The following CLYBL variants were observed in gnomAD, a reference collection of about 807,000 sequenced individuals.
CLYBL encodes citramalyl-CoA lyase.
CLYBL carries 31 observed loss-of-function variants against 38.9 expected under a neutral mutation model. The ratio of observed to expected loss-of-function variants is 0.80; its 90% CI spans 0.60 to 1.08. The LOEUF (loss-of-function observed/expected upper bound fraction) is 1.08. CLYBL is among the 50% of genes least tolerant of loss of function. CLYBL has a pLI of 0.00. For missense variants in CLYBL, 434 were observed against 411.6 expected (o/e 1.05, Z -0.47); for synonymous variants, 171 against 158.6 (o/e 1.08, Z -0.59).
At chr13:99,749,629 T>A (rs1399215738) in intron 1 of CLYBL, among the ~76,000 whole-genome samples, 2 of 152,242 alleles carry the variant, frequency 1.3e-5, no homozygotes, top group South Asian at 2.1e-4. Flanking sequence ...CACAAAACAG[T>A]GCACTTCATT....
chr13:99,853,153 A>G (rs2051372796), intron 2 of CLYBL, among the ~76,000 whole-genome samples: 1 of 152,034 alleles, frequency 6.6e-6, no homozygotes, highest in South Asian at 2.1e-4. Context: ...AATTGGTTGG[A>G]GACCTTCAAA....
intron 2 of CLYBL, among the ~76,000 whole-genome samples, chr13:99,802,584 G>A (rs1314614288): frequency 1.3e-5 from 2 of 152,184 alleles, no homozygotes; most frequent in East Asian, 3.9e-4. Context: ...CAGTACACAA[G>A]TTCTCACTTG....
chr13:99,627,567 A>G (rs1449574443), intron 1 of CLYBL, among the ~76,000 whole-genome samples: 1 of 152,198 alleles, frequency 6.6e-6, no homozygotes, highest in East Asian at 1.9e-4. Flanking sequence ...TAAGCCACTT[A>G]TGTGGCATTT....
At chr13:99,807,441 C>T (rs1035628564) in intron 2 of CLYBL, among the ~76,000 whole-genome samples, 1 of 152,178 alleles carries the variant, frequency 6.6e-6, no homozygotes, top group African/African-American at 2.4e-5. Context: ...AACCTAGGTG[C>T]CCGCTCACAG....
chr13:99,853,829 T>A (rs2051390773), intron 2 of CLYBL, among the ~76,000 whole-genome samples: 1 of 152,218 alleles, frequency 6.6e-6, no homozygotes, highest in South Asian at 2.1e-4. Context: ...ATAGAATAAA[T>A]TCGTTCCGTT....
intron 1 of CLYBL, among the ~76,000 whole-genome samples, chr13:99,731,009 G>A (rs551476906): frequency 4.0e-5 from 6 of 151,040 alleles, no homozygotes; most frequent in East Asian, 2.0e-4. Flanking sequence ...CTTGAGCCCC[G>A]GGGGCTGAGG....
chr13:99,778,270 T>A (rs113981066), intron 2 of CLYBL, among the ~76,000 whole-genome samples: 2,297 of 152,296 alleles, frequency 0.015, 33 homozygotes, highest in Non-Finnish European at 0.021. Flanking sequence ...ATTATTCTCT[T>A]GATGGAGGAC....
At chr13:99,628,750 T>C (rs1370100216) in intron 1 of CLYBL, among the ~76,000 whole-genome samples, 1 of 152,312 alleles carries the variant, frequency 6.6e-6, no homozygotes, top group African/African-American at 2.4e-5. Context: ...GAATCACAAA[T>C]GGGCCTTTAA....
intron 1 of CLYBL, among the ~76,000 whole-genome samples, chr13:99,712,043 T>G (rs2048242221): frequency 1.3e-5 from 2 of 152,176 alleles, no homozygotes; most frequent in African/African-American, 4.8e-5. Context: ...TTATGAGAGC[T>G]CAGTCCTCGT....
chr13:99,739,635 TA>T (rs1227370096), intron 1 of CLYBL, among the ~76,000 whole-genome samples: 35 of 152,250 alleles, frequency 2.3e-4, no homozygotes, highest in African/African-American at 8.2e-4. Context: ...TTCTACATGA[TA>T]ATTCAGAGCA....
chr13:99,674,151 T>TA (rs1327817634), intron 1 of CLYBL, among the ~76,000 whole-genome samples: 1 of 127,720 alleles, frequency 7.8e-6, no homozygotes, highest in East Asian at 2.2e-4. Context: ...TCTTTTTTTT[T>TA]TTTTTTTTTT....
chr13:99,845,834 G>A (rs2051191313), intron 2 of CLYBL, among the ~76,000 whole-genome samples: 1 of 152,126 alleles, frequency 6.6e-6, no homozygotes, highest in Admixed American at 6.6e-5. Flanking sequence ...TGTCCTGCTG[G>A]CCGTCCTTCT....
At chr13:99,610,591 G>A (rs2046611203) in intron 1 of CLYBL, among the ~76,000 whole-genome samples, 1 of 152,130 alleles carries the variant, frequency 6.6e-6, no homozygotes, top group African/African-American at 2.4e-5. Context: ...GAACCAGTAA[G>A]TCTCCTAGTC....
intron 2 of CLYBL, among the ~76,000 whole-genome samples, chr13:99,805,021 C>G (rs1184954257): frequency 1.3e-5 from 2 of 152,154 alleles, no homozygotes; most frequent in Non-Finnish European, 2.9e-5. Context: ...AGTATTTGTC[C>G]TTTTGTGACT....
chr13:99,882,902 C>T (rs900891170), intron 7 of CLYBL, among the ~76,000 whole-genome samples: 10 of 152,138 alleles, frequency 6.6e-5, no homozygotes, highest in East Asian at 2.0e-4. Context: ...CTTCCCCTGG[C>T]GCCCAGAAAG....
intron 3 of CLYBL, 92 bp downstream of exon 3, chr13:99,859,141 C>A: frequency 1.1e-6 from 1 of 937,128 alleles, no homozygotes; most frequent in Non-Finnish European, 1.6e-6. Context: ...TTGGAAAATG[C>A]ATGCAGAGAG....
At chr13:99,819,456 ATATATATAT>A (rs1566340244) in intron 2 of CLYBL, among the ~76,000 whole-genome samples, 127 of 45,866 alleles carry the variant, frequency 2.8e-3, no homozygotes, top group African/African-American at 5.5e-3. Context: ...ATATATATAT[ATATATATAT>A]ATAATATTTG....
intron 1 of CLYBL, among the ~76,000 whole-genome samples, chr13:99,627,313 CA>C (rs531026400): frequency 1.6e-4 from 24 of 151,976 alleles, no homozygotes; most frequent in Non-Finnish European, 3.2e-4. Flanking sequence ...ATTGTTTTAA[CA>C]GAAAGTAAAA....
At chr13:99,763,056 T>C (rs2049194996) in intron 1 of CLYBL, among the ~76,000 whole-genome samples, 1 of 152,264 alleles carries the variant, frequency 6.6e-6, no homozygotes, top group Non-Finnish European at 1.5e-5. Context: ...TCATCAGTTC[T>C]AACAGCTGTT....
Sources: gnomAD v4.1 joint callset for allele counts (sites outside exome capture counted in the v4.1 genomes callset) on GRCh38, gnomAD v4.1.1 for gene constraint, MANE v1.5 for transcripts, NCBI Gene and HGNC (gene_info 2026-07-23, HGNC 2026-07-21) for gene names.